The following PAK5 variants were observed in gnomAD, a reference collection of about 807,000 sequenced individuals.
The protein encoded by PAK5 is serine/threonine-protein kinase PAK 5.
In PAK5, 16 loss-of-function variants were observed where a neutral mutation model predicts 65.9. The ratio of observed to expected loss-of-function variants is 0.24; its 90% CI spans 0.16 to 0.37. The LOEUF (loss-of-function observed/expected upper bound fraction) is 0.37. Among genes scored for constraint, PAK5 ranks in the 10% least tolerant of loss-of-function variants. The probability of loss-of-function intolerance (pLI) is 1.00; values close to 1 mark genes in which losing one functional copy is unlikely to be tolerated. For synonymous variants in PAK5, 371 were observed against 354.9 expected (o/e 1.05, Z -0.51); for missense variants, 785 against 903.9 (o/e 0.87, Z 1.69).
chr20:9,746,573 G>A (rs1022099273), intron 1 of PAK5, among the ~76,000 whole-genome samples: 1 of 152,052 alleles, frequency 6.6e-6, no homozygotes, highest in Non-Finnish European at 1.5e-5. Flanking sequence ...AGAATTTTCT[G>A]CAATGCTGGA....
chr20:9,777,572 A>C (rs1324742573), intron 1 of PAK5, among the ~76,000 whole-genome samples: 1 of 152,228 alleles, frequency 6.6e-6, no homozygotes, highest in Non-Finnish European at 1.5e-5. Context: ...CCCAGTCATG[A>C]GTATGTCTCT....
chr20:9,827,508 T>C (rs12481538), intron 1 of PAK5, among the ~76,000 whole-genome samples: 43,163 of 151,846 alleles, frequency 0.28, 7,589 homozygotes, highest in African/African-American at 0.5. Flanking sequence ...ACAAGATGCC[T>C]GCTTTCGAAG....
chr20:9,645,726 A>AG lies in PAK5; in HGVS notation c.-11-1388dup, dbSNP rs566267003. 1.0e-3 allele frequency among the ~76,000 whole-genome samples: 153 copies of AG among 152,214 alleles called. 1 individual carries two copies. The highest frequency in any genetic ancestry group is 3.5e-3 in the African/African-American group (146 of 41,536). ...CAGCCTCCCGAGTAGCTGGGACTAC[A>AG]GGTGCCCTCCACCATGCCCAAGCTA... On this transcript the variant is annotated intron_variant, in intron 2 of 9. Transcript: ENST00000353224.
chr20:9,830,166 A>G (rs994805918), intron 1 of PAK5, among the ~76,000 whole-genome samples: 3 of 152,206 alleles, frequency 2.0e-5, no homozygotes, highest in Non-Finnish European at 2.9e-5. Flanking sequence ...TCTAATATAC[A>G]GTGACCAGGA....
chr20:9,584,955 G>A (rs2046043153), intron 3 of PAK5, among the ~76,000 whole-genome samples: 1 of 151,018 alleles, frequency 6.6e-6, no homozygotes, highest in African/African-American at 2.5e-5. Context: ...TGCCACATGG[G>A]TAATGAGTGT....
intron 2 of PAK5, among the ~76,000 whole-genome samples, chr20:9,683,187 C>T (rs2047673284): frequency 6.6e-6 from 1 of 152,186 alleles, no homozygotes; most frequent in Admixed American, 6.5e-5. Context: ...AAAAATATCT[C>T]ATGCTGCAAT....
intron 7 of PAK5, among the ~76,000 whole-genome samples, chr20:9,551,926 A>C (rs535435584): frequency 2.2e-4 from 33 of 152,340 alleles, no homozygotes; most frequent in African/African-American, 7.7e-4. Context: ...AGAAGTCTTC[A>C]GGCATAAAGA....
chr20:9,610,023 T>C (rs536920726), intron 3 of PAK5, among the ~76,000 whole-genome samples: 27 of 152,300 alleles, frequency 1.8e-4, no homozygotes, highest in Admixed American at 1.1e-3. Flanking sequence ...GACACAGCCT[T>C]TGTTTTCTAA....
At chr20:9,677,907 G>A (rs1314119089) in intron 2 of PAK5, among the ~76,000 whole-genome samples, 1 of 152,110 alleles carries the variant, frequency 6.6e-6, no homozygotes, top group Non-Finnish European at 1.5e-5. Flanking sequence ...TATTTAATGT[G>A]TTAATAAAGA....
intron 2 of PAK5, among the ~76,000 whole-genome samples, chr20:9,658,839 C>A (rs765686903): frequency 1.6e-4 from 25 of 152,140 alleles, no homozygotes; most frequent in Non-Finnish European, 3.5e-4. Flanking sequence ...TTGGCTCTCA[C>A]AAGCTCATGT....
chr20:9,759,536 A>T (rs2048674359), intron 1 of PAK5, among the ~76,000 whole-genome samples: 1 of 152,154 alleles, frequency 6.6e-6, no homozygotes, highest in African/African-American at 2.4e-5. Flanking sequence ...AGTGATTCAG[A>T]GTCAGTAGGT....
chr20:9,647,653 A>G (rs1395850876), intron 2 of PAK5, among the ~76,000 whole-genome samples: 1 of 152,254 alleles, frequency 6.6e-6, no homozygotes, highest in African/African-American at 2.4e-5. Context: ...CCACAGCTGA[A>G]TTAATCTACC....
At chr20:9,757,711 T>C (rs757978524) in intron 1 of PAK5, among the ~76,000 whole-genome samples, 3 of 152,178 alleles carry the variant, frequency 2.0e-5, no homozygotes, top group Non-Finnish European at 4.4e-5. Context: ...ACTAATGAAA[T>C]GTTCCATATT....
chr20:9,605,854 T>A (rs902217052), intron 3 of PAK5, among the ~76,000 whole-genome samples: 3 of 152,046 alleles, frequency 2.0e-5, no homozygotes, highest in African/African-American at 7.2e-5. Context: ...GGCTTGAACC[T>A]TGGAGGTGGA....
chr20:9,675,643 C>G (rs1203760559), intron 2 of PAK5, among the ~76,000 whole-genome samples: 1 of 152,078 alleles, frequency 6.6e-6, no homozygotes, highest in Non-Finnish European at 1.5e-5. Flanking sequence ...ATACCCAGCT[C>G]CAATTAATAA....
At chr20:9,585,482 C>A (rs1384521854) in intron 3 of PAK5, among the ~76,000 whole-genome samples, 1 of 152,158 alleles carries the variant, frequency 6.6e-6, no homozygotes, top group Non-Finnish European at 1.5e-5. Context: ...ACATCACAAC[C>A]CAGCAAATTG....
chr20:9,663,618 T>C (rs540069423), intron 2 of PAK5, among the ~76,000 whole-genome samples: 4 of 152,256 alleles, frequency 2.6e-5, no homozygotes, highest in Non-Finnish European at 4.4e-5. Context: ...TTATGAAATA[T>C]GTAAACTCAG....
intron 7 of PAK5, among the ~76,000 whole-genome samples, chr20:9,547,623 G>A (rs1186666993): frequency 6.6e-6 from 1 of 152,166 alleles, no homozygotes. Flanking sequence ...GCTGAAAGAA[G>A]GGAGTTCCCA....
chr20:9,566,194 T>C lies in PAK5; in HGVS notation c.1181A>G (p.Tyr394Cys), dbSNP rs2045675590. Reference sequence around the variant, plus strand: ...GCTCAGGTAGGAAGCCGTGGAGATGTACTGCGAACTGCTCTGCAGGGAGGG... The same window carrying C: ...GCTCAGGTAGGAAGCCGTGGAGATGCACTGCGAACTGCTCTGCAGGGAGGG... ...HHPSLQSSSQ[Y>C]ISTASYLSSL... Residue 394 changes from tyrosine to cysteine, a missense_variant, in exon 5 of 10, where the codon TAC (tyrosine) becomes TGC (cysteine). By Grantham distance (194) the Tyr-to-Cys change is radical. Transcript: ENST00000353224. The C allele has an allele frequency of 6.2e-7, 1 of 1,613,788 alleles. No individual in the cohort carries two copies. The highest frequency in any genetic ancestry group is 1.3e-5 in the African/African-American group (1 of 74,856).
Sources: allele counts gnomAD v4.1 joint callset (sites outside exome capture counted in the v4.1 genomes callset), GRCh38; gene constraint gnomAD v4.1.1; transcripts MANE v1.5; gene names NCBI Gene and HGNC (gene_info 2026-07-23, HGNC 2026-07-21).